The following MGAT5 variants were observed in gnomAD, a reference collection of about 807,000 sequenced individuals.
MGAT5 encodes alpha-1,6-mannosylglycoprotein 6-beta-N-acetylglucosaminyltransferase A.
MGAT5 carries 30 observed loss-of-function variants against 94.3 expected under a neutral mutation model. The ratio of observed to expected loss-of-function variants is 0.32; its 90% CI spans 0.24 to 0.43. The LOEUF is 0.43. Ranked by LOEUF, MGAT5 falls within the 20% of genes least tolerant of loss-of-function variation. The pLI, the probability that MGAT5 is intolerant of heterozygous loss-of-function variation, is 1.00. For synonymous variants in MGAT5, 310 were observed against 322.9 expected, an observed-to-expected ratio of 0.96 and a Z score of 0.43; for missense variants, 691 against 905.5, an observed-to-expected ratio of 0.76 and a Z score of 3.04.
intron 14 of MGAT5, among the ~76,000 whole-genome samples, chr2:134,437,339 G>A (rs1362618261): frequency 6.6e-6 from 1 of 152,178 alleles, no homozygotes; most frequent in Non-Finnish European, 1.5e-5. Flanking sequence ...CCATGAGGCT[G>A]AACATGAATA....
At chr2:134,156,725 G>A (rs1042591094) in intron 1 of MGAT5, among the ~76,000 whole-genome samples, 5 of 152,134 alleles carry the variant, frequency 3.3e-5, no homozygotes, top group Admixed American at 2.6e-4. Flanking sequence ...CAAGTAGTCC[G>A]TTTCGAGGGC....
intron 4 of MGAT5, among the ~76,000 whole-genome samples, chr2:134,320,520 A>T (rs924542389): frequency 6.6e-6 from 1 of 152,046 alleles, no homozygotes; most frequent in Non-Finnish European, 1.5e-5. Context: ...GTTGGAGCAG[A>T]GTAGGCAGCT....
intron 1 of MGAT5, among the ~76,000 whole-genome samples, chr2:134,125,075 G>A (rs941207291): frequency 3.3e-5 from 5 of 151,894 alleles, no homozygotes; most frequent in Non-Finnish European, 7.4e-5. Flanking sequence ...GGTGATCATC[G>A]TAGAGATTTT....
At chr2:134,174,257 A>G (rs1688353909) in intron 1 of MGAT5, among the ~76,000 whole-genome samples, 1 of 152,272 alleles carries the variant, frequency 6.6e-6, no homozygotes. Context: ...TAACTGGAAG[A>G]GAAAGATGCC....
chr2:134,239,871 G>A (rs896080201), intron 1 of MGAT5, among the ~76,000 whole-genome samples: 1 of 152,092 alleles, frequency 6.6e-6, no homozygotes, highest in African/African-American at 2.4e-5. Context: ...ATAAGAAAAT[G>A]AGTCAGGAGT....
At chr2:134,394,111 C>T (rs1273997380) in intron 10 of MGAT5, among the ~76,000 whole-genome samples, 1 of 152,172 alleles carries the variant, frequency 6.6e-6, no homozygotes, top group African/African-American at 2.4e-5. Context: ...CCACTCATCC[C>T]ACCTCCCAGA....
chr2:134,326,245 C>A (rs1191636242), intron 4 of MGAT5, among the ~76,000 whole-genome samples: 1 of 151,914 alleles, frequency 6.6e-6, no homozygotes, highest in Non-Finnish European at 1.5e-5. Context: ...GAATTTCCAG[C>A]TTTTCTTCTT....
rs1431408552 is a variant in MGAT5 at position 134,362,376 on chromosome 2, CT to C, written c.1350del (p.Val451CysfsTer41). On this transcript the variant is annotated frameshift_variant, in exon 10 of 16. Transcript: ENST00000281923. LOFTEE classifies it high-confidence loss of function. ...INEIKRQNQS[L>X]VYGKVDSFWK... ...TGAAATCAAAAGGCAGAACCAGTCCCTTGTGTATGGCAAAGTGGATAGCTTC... is the reference window on the plus strand; with the variant it reads ...TGAAATCAAAAGGCAGAACCAGTCCCTGTGTATGGCAAAGTGGATAGCTTC... The C allele has an allele frequency of 6.2e-7, 1 of 1,614,110 alleles. No individual in the cohort carries two copies. Among genetic ancestry groups the C allele is most frequent in the Non-Finnish European group, 8.5e-7 (1 of 1,179,998 alleles).
chr2:134,144,236 T>C (rs1277914879), intron 1 of MGAT5, among the ~76,000 whole-genome samples: 4 of 152,192 alleles, frequency 2.6e-5, no homozygotes, highest in African/African-American at 9.7e-5. Flanking sequence ...TTTCACAGGC[T>C]GTGAGGAAGC....
At chr2:134,170,084 A>G (rs1688135076) in intron 1 of MGAT5, among the ~76,000 whole-genome samples, 1 of 152,214 alleles carries the variant, frequency 6.6e-6, no homozygotes. Flanking sequence ...AACATAAAAG[A>G]TTAAAAGCAC....
At chr2:134,171,651 GT>G (rs1688215505) in intron 1 of MGAT5, among the ~76,000 whole-genome samples, 1 of 152,180 alleles carries the variant, frequency 6.6e-6, no homozygotes, top group Non-Finnish European at 1.5e-5. Flanking sequence ...GAGAACCAAA[GT>G]TCATACAATC....
chr2:134,235,727 G>GTTT lies in MGAT5; in HGVS notation c.-142-18535_-142-18534insTTT, dbSNP rs111416761. On this transcript the variant is annotated intron_variant, in intron 1 of 16. Coordinates refer to the MGAT5 transcript ENST00000409645. ...TTTAAATCATTGTAATAATAATAGG[G>GTTT]GTTTTTTTTTTTTGCATGGAGTGAT... is the stretch of plus-strand genomic sequence containing the variant. Among the ~76,000 whole-genome samples, 294 of 149,398 alleles carry GTTT rather than the reference G, an allele frequency of 2.0e-3. 1 individual carries two copies. The highest frequency in any genetic ancestry group is 1.0e-3 in the South Asian group (5 of 4,776).
chr2:134,289,333 T>G (rs1685204414), intron 2 of MGAT5, among the ~76,000 whole-genome samples: 1 of 152,170 alleles, frequency 6.6e-6, no homozygotes. Context: ...GGTGCCGATC[T>G]CTCTTCTGTG....
intron 1 of MGAT5, among the ~76,000 whole-genome samples, chr2:134,191,521 C>T (rs1297124978): frequency 6.6e-6 from 1 of 151,786 alleles, no homozygotes; most frequent in Non-Finnish European, 1.5e-5. Context: ...CCTCCTCCTC[C>T]TCCTCCTCCT....
Position 134,193,501 on chromosome 2 carries a change from A to G in MGAT5, c.-142-60761A>G, listed in dbSNP as rs562075786. Among the ~76,000 whole-genome samples the G allele has an allele frequency of 1.2e-3, 186 of 152,302 alleles. 1 individual carries two copies. The highest frequency in any genetic ancestry group is 4.2e-3 in the African/African-American group (174 of 41,566). On this transcript the variant is annotated intron_variant, in intron 1 of 16. Transcript: ENST00000409645. ...TAGGGGTCCCCACCACCCAGTGGCTAGCTGGCTCTTCACACAGCAGCTGCC... is the reference window on the plus strand; with the variant it reads ...TAGGGGTCCCCACCACCCAGTGGCTGGCTGGCTCTTCACACAGCAGCTGCC...
chr2:134,229,839 A>G (rs1481618111), intron 1 of MGAT5, among the ~76,000 whole-genome samples: 2 of 152,238 alleles, frequency 1.3e-5, no homozygotes, highest in African/African-American at 2.4e-5. Flanking sequence ...AGATGAGCCA[A>G]TTAATAAATG....
intron 1 of MGAT5, among the ~76,000 whole-genome samples, chr2:134,205,384 A>G (rs1679979097): frequency 1.3e-5 from 2 of 152,040 alleles, no homozygotes; most frequent in Admixed American, 1.3e-4. Context: ...TAGTGGAGAT[A>G]GTGAAAATAG....
intron 8 of MGAT5, 36 bp from the exon 9 acceptor site, chr2:134,349,769 G>T: frequency 1.2e-6 from 2 of 1,610,410 alleles, no homozygotes; most frequent in Non-Finnish European, 1.7e-6. Flanking sequence ...TTGGGGGCAA[G>T]TATGTAGTGT....
intron 8 of MGAT5, among the ~76,000 whole-genome samples, chr2:134,346,674 C>G (rs1165601549): frequency 6.6e-6 from 1 of 152,048 alleles, no homozygotes; most frequent in African/African-American, 2.4e-5. Context: ...ACCCTTGAGG[C>G]CAGTTGGTCT....
Sources: gnomAD v4.1 joint callset for allele counts (sites outside exome capture counted in the v4.1 genomes callset) on GRCh38, gnomAD v4.1.1 for gene constraint, MANE v1.5 for transcripts, NCBI Gene and HGNC (gene_info 2026-07-23, HGNC 2026-07-21) for gene names.